Variants in RAB5C observed in about 807,000 individuals in gnomAD.
The protein encoded by RAB5C is RAB5C, member RAS oncogene family.
RAB5C carries 4 observed loss-of-function variants against 25.2 expected under a neutral mutation model. That is an observed-to-expected ratio of 0.16 (90% CI 0.08 to 0.36). The LOEUF (loss-of-function observed/expected upper bound fraction) is 0.36. RAB5C is among the 10% of genes least tolerant of loss of function. The pLI, the probability that RAB5C is intolerant of heterozygous loss-of-function variation, is 1.00. For missense variants in RAB5C, 199 were observed against 283.8 expected, an observed-to-expected ratio of 0.70 and a Z score of 2.15; for synonymous variants, 100 against 106.4, an observed-to-expected ratio of 0.94 and a Z score of 0.37.
At chr17:42,154,568 G>A (rs779194498) in intron 1 of RAB5C, 13 of 152,256 alleles carry the variant, frequency 8.5e-5, no homozygotes, top group Non-Finnish European at 1.6e-4. Flanking sequence ...AAAGAGAAGA[G>A]GGACAGGTTC....
Position 42,140,509 on chromosome 17 carries a change from ATATATATTTTTTTTTTTTTT to A in RAB5C, c.-88-9939_-88-9920del, listed in dbSNP as rs1293169921. Among the ~76,000 whole-genome samples the A allele has an allele frequency of 4.4e-4, 16 of 36,206 alleles. No homozygotes were observed. In the East Asian group the frequency reaches 5.4e-3, roughly 12 times the overall value. 23.8% of individuals were successfully genotyped at this position (36,206 alleles called of 152,430 possible). Reference sequence around the variant, plus strand: ...AATATATATATATATATATATATATATATATATTTTTTTTTTTTTTTTTTTTTTTTTTGAGATGGAGTCTC... The same window carrying A: ...AATATATATATATATATATATATATATTTTTTTTTTTTGAGATGGAGTCTC... On this transcript the variant is annotated intron_variant, in intron 1 of 5. Coordinates refer to ENST00000346213, the MANE Select transcript of RAB5C (RefSeq NM_004583.4).
At chr17:42,130,635 C>T in intron 1 of RAB5C, 45 bp from the exon 2 acceptor site, 1 of 1,478,802 alleles carries the variant, frequency 6.8e-7, no homozygotes, top group South Asian at 1.3e-5. Context: ...CAGAGGCCGT[C>T]ACCCGCTGTG....
chr17:42,131,918 G>A, intron 1 of RAB5C: 1 of 301,300 alleles, frequency 3.3e-6, no homozygotes, highest in Non-Finnish European at 6.3e-6. Flanking sequence ...GGTCCTGTGA[G>A]TAGGTATTAA....
Position 42,125,720 on chromosome 17 carries a change from G to C in RAB5C, c.*63C>G. ...CCGAGTCGTTAAGTGCGATTGGTTA[G>C]AGTGGATTCCAGTCGGGTCATTCAG... On this transcript the variant is annotated 3_prime_UTR_variant, in exon 6 of 6. Coordinates refer to ENST00000346213, the MANE Select transcript of RAB5C (RefSeq NM_004583.4). 1 of 1,212,578 alleles carries C rather than the reference G, an allele frequency of 8.2e-7. No homozygotes were observed. The highest frequency in any genetic ancestry group is 1.2e-6 in the Non-Finnish European group (1 of 848,958). The allele number at this position is 1,212,578 out of a possible 1,614,324, so 75.1% of individuals were successfully genotyped here.
In RAB5C at chr17:42,133,513, A is replaced by C. The variant is rs1004367533; in HGVS notation, c.-88-2923T>G. Among the ~76,000 whole-genome samples, 3 of 152,232 alleles carry C rather than the reference A, an allele frequency of 2.0e-5. No individual in the cohort carries two copies. The East Asian group carries it at 5.8e-4, about 29-fold the overall frequency. On this transcript the variant is annotated intron_variant, in intron 1 of 5. Coordinates refer to ENST00000346213, the MANE Select transcript of RAB5C (RefSeq NM_004583.4). ...CAGTGGTTCTCAACGGTGTCTGTAC[A>C]TTGAAGTCATCTGTGCAGCCAGCCC...
intron 1 of RAB5C, among the ~76,000 whole-genome samples, chr17:42,147,525 C>T (rs2079645082): frequency 6.6e-6 from 1 of 152,226 alleles, no homozygotes; most frequent in South Asian, 2.1e-4. Flanking sequence ...TGTGGCTAGT[C>T]AGGGCCGCGC....
In RAB5C at chr17:42,140,515, A is replaced by AT. The variant is rs10553272; in HGVS notation, c.-88-9926dup. On this transcript the variant is annotated intron_variant, in intron 1 of 5. Transcript: ENST00000346213. The stretch of plus-strand genomic sequence containing the variant: ...TATATATATATATATATATATATAT[A>AT]TTTTTTTTTTTTTTTTTTTTTTTTT... Among the ~76,000 whole-genome samples, 95 of 26,644 alleles carry AT rather than the reference A, an allele frequency of 3.6e-3. 6 individuals are homozygous for AT. Among genetic ancestry groups the AT allele is most frequent in the Non-Finnish European group, 5.0e-3 (76 of 15,350 alleles). 17.5% of individuals were successfully genotyped at this position (26,644 alleles called of 152,430 possible). A position where few individuals can be genotyped will look rare whatever the true frequency, so the allele number is the denominator to read the frequency against.
chr17:42,125,844 T>C lies in RAB5C; in HGVS notation c.590A>G (p.Asn197Ser). 1 of 1,612,006 alleles carries C rather than the reference T, an allele frequency of 6.2e-7. No individual in the cohort carries two copies. ...GTTCTCCTGGAGGTCCACACCTCGG[T>C]TTCGGCCTGGAGCACCAGTTGCATT... ...PQNATGAPGRNRGVDLQENNP... is the reference protein window; with the variant it reads ...PQNATGAPGRSRGVDLQENNP... Residue 197 changes from asparagine (N) to serine (S), a missense_variant, in exon 6 of 6, where the codon AAC becomes AGC. Asn to Ser is a conservative substitution (Grantham distance 46). Coordinates refer to ENST00000346213, the MANE Select transcript of RAB5C (RefSeq NM_004583.4).
At chr17:42,126,047 G>A (rs2054419637) in intron 5 of RAB5C, 149 bp from the exon 6 acceptor site, 1 of 630,660 alleles carries the variant, frequency 1.6e-6, no homozygotes, top group South Asian at 2.0e-5. Context: ...ATTGTTTTCA[G>A]GAAACTGCGG....
At position 42,134,137 on chromosome 17, in the gene RAB5C, G is replaced by A. The variant is rs574549333; in HGVS notation, c.-88-3547C>T. 9.2e-5 allele frequency among the ~76,000 whole-genome samples: 14 copies of A among 152,206 alleles called. No individual in the cohort carries two copies. In the East Asian group the frequency reaches 2.7e-3, roughly 29 times the overall value. ...GAGATATGAGGGTGTCTAAGCCAGGGGAAGGCCAGACCGAGAGCCCCAGGA... is the reference window on the plus strand; with the variant it reads ...GAGATATGAGGGTGTCTAAGCCAGGAGAAGGCCAGACCGAGAGCCCCAGGA... On this transcript the variant is annotated intron_variant, in intron 1 of 5. Coordinates refer to ENST00000346213, the MANE Select transcript of RAB5C (RefSeq NM_004583.4).
At chr17:42,149,296 T>C (rs891737457) in intron 1 of RAB5C, among the ~76,000 whole-genome samples, 1 of 152,138 alleles carries the variant, frequency 6.6e-6, no homozygotes, top group Non-Finnish European at 1.5e-5. Flanking sequence ...AAATACTGTC[T>C]TTGGCCAGGT....
chr17:42,145,092 G>A (rs1598256260), intron 1 of RAB5C, among the ~76,000 whole-genome samples: 1 of 151,592 alleles, frequency 6.6e-6, no homozygotes, highest in Non-Finnish European at 1.5e-5. Context: ...AGAAAGGCGT[G>A]AACCCGGGAG....
chr17:42,125,451 C>A lies in RAB5C; in HGVS notation c.*332G>T. 1 of 265,528 alleles carries A rather than the reference C, an allele frequency of 3.8e-6. No homozygotes were observed. Among genetic ancestry groups the A allele is most frequent in the Non-Finnish European group, 7.3e-6 (1 of 136,852 alleles). The allele number at this position is 265,528 out of a possible 1,614,324, so 16.4% of individuals were successfully genotyped here. On this transcript the variant is annotated 3_prime_UTR_variant, in exon 6 of 6. Transcript: ENST00000346213. Reference sequence around the variant, plus strand: ...GTAGCTGCACTGACCCCACTGTCCCCATATACAAGGGTTGGGGGGCAAGAG... The same window carrying A: ...GTAGCTGCACTGACCCCACTGTCCCAATATACAAGGGTTGGGGGGCAAGAG...
intron 1 of RAB5C, among the ~76,000 whole-genome samples, chr17:42,144,585 G>A (rs372421052): frequency 6.6e-5 from 10 of 151,988 alleles, no homozygotes; most frequent in African/African-American, 2.2e-4. Flanking sequence ...AGGCCGAAAC[G>A]GGTGGATCAC....
intron 1 of RAB5C, among the ~76,000 whole-genome samples, chr17:42,144,920 C>T (rs994611094): frequency 2.8e-5 from 2 of 71,344 alleles, no homozygotes; most frequent in South Asian, 1.3e-3. Flanking sequence ...AGCCAGACTC[C>T]GTCTCAAAAA....
At chr17:42,148,129 G>A (rs2079648511) in intron 1 of RAB5C, among the ~76,000 whole-genome samples, 1 of 151,966 alleles carries the variant, frequency 6.6e-6, no homozygotes, top group African/African-American at 2.4e-5. Flanking sequence ...AAGTGGGCAA[G>A]GCTGGGCACA....
intron 3 of RAB5C, 104 bp from the exon 4 acceptor site, chr17:42,128,487 T>G: frequency 6.8e-7 from 1 of 1,476,350 alleles, no homozygotes; most frequent in African/African-American, 1.4e-5. Context: ...TCTAAGACAT[T>G]GCCACCTAAA....
At chr17:42,151,056 T>TCAG (rs1267593128) in intron 1 of RAB5C, among the ~76,000 whole-genome samples, 1 of 152,088 alleles carries the variant, frequency 6.6e-6, no homozygotes, top group African/African-American at 2.4e-5. Flanking sequence ...AGTGGGGGAA[T>TCAG]CAGGATGAGA....
intron 4 of RAB5C, among the ~76,000 whole-genome samples, chr17:42,127,687 G>A (rs1240470479): frequency 1.3e-5 from 2 of 151,320 alleles, no homozygotes; most frequent in African/African-American, 4.9e-5. Context: ...ACACCACCAT[G>A]CCCAGCTAAC....
Sources: allele counts gnomAD v4.1 joint callset (sites outside exome capture counted in the v4.1 genomes callset), GRCh38; gene constraint gnomAD v4.1.1; transcripts MANE v1.5; gene names NCBI Gene and HGNC (gene_info 2026-07-23, HGNC 2026-07-21).